The following ARHGAP6 variants were observed in gnomAD, a reference collection of about 807,000 sequenced individuals.
The protein encoded by ARHGAP6 is rho GTPase-activating protein 6.
In ARHGAP6, 16 loss-of-function variants were observed where a neutral mutation model predicts 55.7. The ratio of observed to expected loss-of-function variants is 0.29; its 90% CI spans 0.19 to 0.44. The LOEUF (loss-of-function observed/expected upper bound fraction) is 0.44. Ranked by LOEUF, ARHGAP6 falls within the 20% of genes least tolerant of loss-of-function variation. ARHGAP6 has a pLI of 1.00. For missense variants in ARHGAP6, 698 were observed against 808.9 expected (o/e 0.86, Z 1.66); for synonymous variants, 382 against 360.9 (o/e 1.06, Z -0.66).
chrX:11,350,822 G>A (rs1259124184), intron 1 of ARHGAP6, among the ~76,000 whole-genome samples: 1 of 111,054 alleles, frequency 9.0e-6, no homozygotes, highest in Non-Finnish European at 1.9e-5. Context: ...CAGGTTGCTG[G>A]TCAGTCTTTA....
chrX:11,518,486 A>G (rs1478027977), intron 1 of ARHGAP6, among the ~76,000 whole-genome samples: 1 of 56,412 alleles, frequency 1.8e-5, no homozygotes, highest in Admixed American at 2.5e-4. Context: ...TTTTTGACCT[A>G]CTGTCTTTCT....
chrX:11,300,875 C>T (rs2048165722), intron 1 of ARHGAP6: 1 of 261,628 alleles, frequency 3.8e-6, no homozygotes, highest in Non-Finnish European at 6.9e-6. Flanking sequence ...ACAAATTCAC[C>T]ATTTGGCAAG....
intron 1 of ARHGAP6, among the ~76,000 whole-genome samples, chrX:11,425,234 C>CA (rs201695763): frequency 2.7e-5 from 3 of 110,355 alleles, no homozygotes; most frequent in South Asian, 3.9e-4. Flanking sequence ...AAGACAGACC[C>CA]AAAAAAAACC....
intron 1 of ARHGAP6, among the ~76,000 whole-genome samples, chrX:11,266,204 A>AGG (rs2047626084): frequency 1.8e-5 from 2 of 110,341 alleles, no homozygotes; most frequent in East Asian, 5.7e-4. Flanking sequence ...TTCCTCTAAA[A>AGG]AAAATCCTCT....
At chrX:11,182,379 T>C (rs2046325350) in intron 5 of ARHGAP6, among the ~76,000 whole-genome samples, 1 of 111,780 alleles carries the variant, frequency 8.9e-6, no homozygotes, top group South Asian at 3.7e-4. Flanking sequence ...TCTAATCTTC[T>C]CCTTATCAGA....
chrX:11,579,465 GTAGA>G (rs2051640004), intron 1 of ARHGAP6, among the ~76,000 whole-genome samples: 1 of 112,037 alleles, frequency 8.9e-6, no homozygotes, highest in South Asian at 3.7e-4. Flanking sequence ...TTATTTCAGA[GTAGA>G]TATTTTCTAA....
At chrX:11,426,260 C>T (rs2049878196) in intron 1 of ARHGAP6, among the ~76,000 whole-genome samples, 1 of 111,512 alleles carries the variant, frequency 9.0e-6, no homozygotes, top group Admixed American at 9.5e-5. Flanking sequence ...TGCAATTAAT[C>T]CAGGAGCCCC....
intron 1 of ARHGAP6, among the ~76,000 whole-genome samples, chrX:11,478,239 A>G (rs886094843): frequency 4.5e-5 from 5 of 112,012 alleles, no homozygotes; most frequent in Admixed American, 9.5e-5. Context: ...GGCTTGTAAA[A>G]GAATGTTCAC....
At chrX:11,637,762 A>AT (rs55942514) in intron 1 of ARHGAP6, among the ~76,000 whole-genome samples, 309 of 103,731 alleles carry the variant, frequency 3.0e-3, no homozygotes, top group East Asian at 0.019. Flanking sequence ...TGTAATTTTG[A>AT]TTTTTTTTTT....
intron 2 of ARHGAP6, among the ~76,000 whole-genome samples, chrX:11,253,346 T>G (rs1000420813): frequency 5.4e-5 from 6 of 111,252 alleles, no homozygotes; most frequent in African/African-American, 2.0e-4. Flanking sequence ...ATATGAACTA[T>G]TTATGAATAA....
At chrX:11,172,958 C>T (rs1319620554) in intron 8 of ARHGAP6, among the ~76,000 whole-genome samples, 1 of 111,626 alleles carries the variant, frequency 9.0e-6, no homozygotes, top group Non-Finnish European at 1.9e-5. Context: ...TGTTAAAAGT[C>T]TAATATGTAC....
intron 8 of ARHGAP6, among the ~76,000 whole-genome samples, chrX:11,171,562 T>C (rs1039021800): frequency 1.8e-5 from 2 of 112,422 alleles, no homozygotes; most frequent in East Asian, 2.8e-4. Context: ...GAAAAGATAT[T>C]TTGTGAGCTC....
intron 1 of ARHGAP6, among the ~76,000 whole-genome samples, chrX:11,488,622 G>C (rs1377361427): frequency 9.0e-6 from 1 of 110,893 alleles, no homozygotes; most frequent in Non-Finnish European, 1.9e-5. Flanking sequence ...CACAGCAGGA[G>C]GTAAGCAGCA....
intron 1 of ARHGAP6, among the ~76,000 whole-genome samples, chrX:11,408,000 C>T (rs1192310687): frequency 9.0e-5 from 10 of 110,924 alleles, no homozygotes; most frequent in African/African-American, 2.3e-4. Context: ...AATCACTTAA[C>T]CAAAGCATGA....
At chrX:11,240,591 A>T (rs1319295904) in intron 2 of ARHGAP6, among the ~76,000 whole-genome samples, 3 of 111,720 alleles carry the variant, frequency 2.7e-5, no homozygotes, top group African/African-American at 9.8e-5. Flanking sequence ...TTTAAATGTC[A>T]TCTTCCATAC....
intron 1 of ARHGAP6, among the ~76,000 whole-genome samples, chrX:11,319,168 A>C (rs1468122423): frequency 9.0e-6 from 1 of 111,653 alleles, no homozygotes; most frequent in African/African-American, 3.3e-5. Context: ...GTCTATCTAT[A>C]TATCTCTCTC....
At chrX:11,651,397 T>G (rs1232197512) in intron 1 of ARHGAP6, among the ~76,000 whole-genome samples, 1 of 111,733 alleles carries the variant, frequency 8.9e-6, no homozygotes, top group Non-Finnish European at 1.9e-5. Flanking sequence ...GGTATTTGGT[T>G]TTCTGTTCCT....
chrX:11,232,713 C>T (rs1193193345), intron 2 of ARHGAP6, among the ~76,000 whole-genome samples: 2 of 112,310 alleles, frequency 1.8e-5, no homozygotes, highest in Non-Finnish European at 3.8e-5. Flanking sequence ...TTGTCTGCTA[C>T]ACTTTCTTTC....
intron 1 of ARHGAP6, among the ~76,000 whole-genome samples, chrX:11,488,184 T>C (rs1004816312): frequency 5.4e-5 from 6 of 112,107 alleles, no homozygotes; most frequent in Admixed American, 9.4e-5. Context: ...CTAGATCTTT[T>C]TGATACAAAG....
Sources: gnomAD v4.1 joint callset for allele counts (sites outside exome capture counted in the v4.1 genomes callset) on GRCh38, gnomAD v4.1.1 for gene constraint, MANE v1.5 for transcripts, NCBI Gene and HGNC (gene_info 2026-07-23, HGNC 2026-07-21) for gene names.